Variants in VAT1L observed in about 807,000 individuals in gnomAD.
VAT1L encodes the protein putative NADPH-dependent quinone oxidoreductase VAT1L.
Under a neutral mutation model 44.1 loss-of-function variants are expected in VAT1L, and 34 were observed. The observed-to-expected ratio is 0.77, with a 90% CI of 0.59 to 1.03. The LOEUF is 1.03. Among genes scored for constraint, VAT1L ranks in the 50% least tolerant of loss-of-function variants. The pLI is 0.00. For missense variants in VAT1L, 615 were observed against 538.8 expected (o/e 1.14, Z -1.40); for synonymous variants, 253 against 202.2 (o/e 1.25, Z -2.13).
intron 8 of VAT1L, among the ~76,000 whole-genome samples, chr16:77,972,894 T>A (rs990223555): frequency 4.6e-5 from 7 of 151,954 alleles, no homozygotes; most frequent in African/African-American, 1.7e-4. Context: ...CCATGTTGCC[T>A]AGGCTGGTCT....
chr16:77,856,619 G>T (rs921382893), intron 3 of VAT1L, among the ~76,000 whole-genome samples: 1 of 152,172 alleles, frequency 6.6e-6, no homozygotes, highest in African/African-American at 2.4e-5. Flanking sequence ...ACCTAAATCA[G>T]CTCCCTTGTT....
At chr16:77,942,911 A>C (rs750521524) in intron 7 of VAT1L, among the ~76,000 whole-genome samples, 3 of 150,468 alleles carry the variant, frequency 2.0e-5, no homozygotes, top group Non-Finnish European at 3.0e-5. Context: ...CACCCGGCTA[A>C]TTTTTGTACT....
chr16:77,948,136 C>A (rs34777784), intron 7 of VAT1L, among the ~76,000 whole-genome samples: 1 of 152,002 alleles, frequency 6.6e-6, no homozygotes, highest in Non-Finnish European at 1.5e-5. Flanking sequence ...ACTCACATGC[C>A]TCTTCATTCA....
At chr16:77,813,782 G>A (rs1348025801) in intron 1 of VAT1L, among the ~76,000 whole-genome samples, 1 of 152,112 alleles carries the variant, frequency 6.6e-6, no homozygotes, top group African/African-American at 2.4e-5. Context: ...CCCAGTTCTT[G>A]GACCAGCTCA....
chr16:77,813,060 G>T (rs1161405206), intron 1 of VAT1L, among the ~76,000 whole-genome samples: 1 of 152,008 alleles, frequency 6.6e-6, no homozygotes, highest in Non-Finnish European at 1.5e-5. Flanking sequence ...CATAGTCATT[G>T]CCACCCCCAA....
chr16:77,812,182 C>G (rs1043614570), intron 1 of VAT1L, among the ~76,000 whole-genome samples: 2 of 151,696 alleles, frequency 1.3e-5, no homozygotes, highest in Non-Finnish European at 2.9e-5. Context: ...AAGCGATTCT[C>G]CTGCCTCAGT....
At chr16:77,812,084 CT>C (rs11298811) in intron 1 of VAT1L, among the ~76,000 whole-genome samples, 91,401 of 130,474 alleles carry the variant, frequency 0.7, 31,481 homozygotes, top group East Asian at 0.91. Context: ...GTCCTTGAAT[CT>C]TTTTTTTTTT....
At chr16:77,826,328 A>G (rs1248011148) in intron 3 of VAT1L, among the ~76,000 whole-genome samples, 3 of 152,250 alleles carry the variant, frequency 2.0e-5, no homozygotes, top group East Asian at 1.9e-4. Flanking sequence ...TTGAAATGAC[A>G]AAATGGTCAT....
At chr16:77,932,918 T>C (rs1429978810) in intron 7 of VAT1L, among the ~76,000 whole-genome samples, 2 of 152,206 alleles carry the variant, frequency 1.3e-5, no homozygotes, top group East Asian at 1.9e-4. Context: ...GTTAGAACTC[T>C]ACAGAAACAG....
chr16:77,965,478 T>C (rs1295495752), intron 7 of VAT1L, among the ~76,000 whole-genome samples: 1 of 152,198 alleles, frequency 6.6e-6, no homozygotes, highest in African/African-American at 2.4e-5. Context: ...TGTTGGCATC[T>C]TGAGGTGCTT....
intron 1 of VAT1L, among the ~76,000 whole-genome samples, chr16:77,790,125 G>A (rs756212908): frequency 6.6e-6 from 1 of 152,102 alleles, no homozygotes; most frequent in African/African-American, 2.4e-5. Flanking sequence ...GTCCCCTCCC[G>A]TTCACCACCT....
At position 77,857,731 on chromosome 16, in the gene VAT1L, T is replaced by C. The variant is rs1421374313; in HGVS notation, c.580-5017T>C. 2.0e-5 allele frequency among the ~76,000 whole-genome samples: 3 copies of C among 149,924 alleles called. No homozygotes were observed. In the East Asian group the frequency reaches 5.8e-4, roughly 29 times the overall value. On this transcript the variant is annotated intron_variant, in intron 3 of 8. Transcript: ENST00000302536. Reference sequence around the variant, plus strand: ...GCTATATATATTAATTGTACATTATTCTAGTTATAAGTCATATATTTATCC... The same window carrying C: ...GCTATATATATTAATTGTACATTATCCTAGTTATAAGTCATATATTTATCC...
At chr16:77,806,798 C>T (rs1259781599) in intron 1 of VAT1L, among the ~76,000 whole-genome samples, 1 of 152,060 alleles carries the variant, frequency 6.6e-6, no homozygotes, top group Non-Finnish European at 1.5e-5. Context: ...GCTGTCATAT[C>T]ATAGCAAAAA....
Position 77,977,660 on chromosome 16 carries a change from A to C in VAT1L, c.1225A>C (p.Ser409Arg). The C allele has an allele frequency of 6.2e-7, 1 of 1,614,138 alleles. No homozygotes were observed. The highest frequency in any genetic ancestry group is 8.5e-7 in the Non-Finnish European group (1 of 1,179,988). The change falls in exon 9 of 9, where the codon AGC (serine) becomes CGC (arginine). Residue 409 changes from serine to arginine, a missense_variant. Transcript: ENST00000302536. The stretch of plus-strand genomic sequence containing the variant: ...AGAGGAGGAGGACCACGAGGGAGAC[A>C]GCGAGAACAAGGAGCGGATGCCCTT... ...GEEEEDHEGD[S>R]ENKERMPFIQ
At chr16:77,827,070 G>A (rs2016531098) in intron 3 of VAT1L, among the ~76,000 whole-genome samples, 2 of 152,160 alleles carry the variant, frequency 1.3e-5, no homozygotes, top group South Asian at 4.1e-4. Flanking sequence ...GGAAACTTTA[G>A]GAATGCCTTA....
chr16:77,811,029 G>A (rs1243267793), intron 1 of VAT1L, among the ~76,000 whole-genome samples: 1 of 152,172 alleles, frequency 6.6e-6, no homozygotes, highest in Middle Eastern at 3.2e-3. Flanking sequence ...TTTCTATTGA[G>A]TATAATAGGA....
chr16:77,857,735 G>T (rs2016873550), intron 3 of VAT1L, among the ~76,000 whole-genome samples: 2 of 148,298 alleles, frequency 1.3e-5, no homozygotes, highest in Admixed American at 6.8e-5. Context: ...CATTATTCTA[G>T]TTATAAGTCA....
At chr16:77,894,070 C>A (rs565977718) in intron 7 of VAT1L, among the ~76,000 whole-genome samples, 1 of 152,248 alleles carries the variant, frequency 6.6e-6, no homozygotes, top group Non-Finnish European at 1.5e-5. Context: ...ATGGCAAAAC[C>A]AGCTTTCAGA....
intron 1 of VAT1L, among the ~76,000 whole-genome samples, chr16:77,804,428 C>T (rs2016118805): frequency 6.6e-6 from 1 of 152,144 alleles, no homozygotes; most frequent in African/African-American, 2.4e-5. Flanking sequence ...TTTAGATTCT[C>T]AATATGTCTC....
Sources: allele counts gnomAD v4.1 joint callset (sites outside exome capture counted in the v4.1 genomes callset), GRCh38; gene constraint gnomAD v4.1.1; transcripts MANE v1.5; gene names NCBI Gene and HGNC (gene_info 2026-07-23, HGNC 2026-07-21).